The following OXSR1 variants were observed in gnomAD, a reference collection of about 807,000 sequenced individuals.
OXSR1 encodes serine/threonine-protein kinase OSR1.
OXSR1 carries 24 observed loss-of-function variants against 79.8 expected under a neutral mutation model. The observed-to-expected ratio is 0.30, with a 90% CI of 0.22 to 0.42. The LOEUF (loss-of-function observed/expected upper bound fraction) is 0.42. OXSR1 is among the 10% of genes least tolerant of loss of function. The pLI is 1.00. For missense variants in OXSR1, 430 were observed against 618.4 expected, an observed-to-expected ratio of 0.70 and a Z score of 3.23; for synonymous variants, 226 against 209.2, an observed-to-expected ratio of 1.08 and a Z score of -0.69.
intron 4 of OXSR1, among the ~76,000 whole-genome samples, chr3:38,209,448 C>G (rs563802251): frequency 2.0e-5 from 3 of 151,816 alleles, no homozygotes; most frequent in Non-Finnish European, 4.4e-5. Context: ...TTTAAAAGTT[C>G]CCCCAGGTAA....
At chr3:38,211,688 A>G (rs555513695) in intron 4 of OXSR1, among the ~76,000 whole-genome samples, 1 of 152,084 alleles carries the variant, frequency 6.6e-6, no homozygotes, top group Non-Finnish European at 1.5e-5. Flanking sequence ...GTTTTCTATT[A>G]CCTGTGGATT....
rs900716756 is a variant in OXSR1 at position 38,190,963 on chromosome 3, G to C, written c.292+124G>C. 6.0e-6 allele frequency: 4 copies of C among 661,676 alleles called. No homozygotes were observed. The African/African-American group carries it at 7.4e-5, about 12-fold the overall frequency. 41.0% of individuals were successfully genotyped at this position (661,676 alleles called of 1,614,324 possible). On this transcript the variant is annotated intron_variant, in intron 3 of 17. Transcript: ENST00000311806. ...CATTTGAGGAGATACTGAAAATATA[G>C]TATTTGCTGAAGATGCTAATCTATG...
intron 5 of OXSR1, among the ~76,000 whole-genome samples, chr3:38,219,795 G>GATGATGATGATC (rs1391914745): frequency 3.3e-5 from 5 of 151,604 alleles, no homozygotes; most frequent in African/African-American, 7.3e-5. Context: ...TGATGATGAT[G>GATGATGATGATC]ATGATGATGA....
At chr3:38,241,245 A>G (rs1228555274) in intron 11 of OXSR1, among the ~76,000 whole-genome samples, 1 of 152,190 alleles carries the variant, frequency 6.6e-6, no homozygotes, top group African/African-American at 2.4e-5. Flanking sequence ...ATTCATGTAA[A>G]TATAATAATA....
At position 38,247,669 on chromosome 3, in the gene OXSR1, C is replaced by T; in HGVS notation, c.1259C>T (p.Ala420Val). 1.9e-6 allele frequency: 3 copies of T among 1,609,944 alleles called. No homozygotes were observed. The highest frequency in any genetic ancestry group is 2.6e-6 in the Non-Finnish European group (3 of 1,176,472). The change falls in exon 14 of 18, where the codon GCT (alanine) becomes GTT (valine). Residue 420 changes from alanine to valine, a missense_variant and splice_region_variant. Ala to Val is a moderately conservative substitution (Grantham distance 64). This residue lies in a region of OXSR1 where 276 missense variants were observed against 354.2 expected (regional missense o/e 0.78). Coordinates refer to ENST00000311806, the MANE Select transcript of OXSR1 (RefSeq NM_005109.3). ...PTAEPAKTAQ[A>V]LSSGSGSQET... Reference sequence around the variant, plus strand: ...TGTATACCTTTCAATGCTTTTTAGGCTTTGTCTTCAGGATCAGGTTCACAA... The same window carrying T: ...TGTATACCTTTCAATGCTTTTTAGGTTTTGTCTTCAGGATCAGGTTCACAA...
intron 10 of OXSR1, among the ~76,000 whole-genome samples, chr3:38,234,244 G>A (rs934078761): frequency 5.3e-5 from 8 of 152,104 alleles, no homozygotes; most frequent in Admixed American, 2.0e-4. Flanking sequence ...GGAAAAAGTA[G>A]GTAAATTGAT....
At chr3:38,250,108 T>C (rs1450549291) in intron 15 of OXSR1, 90 bp downstream of exon 15, 1 of 958,712 alleles carries the variant, frequency 1.0e-6, no homozygotes, top group Non-Finnish European at 1.6e-6. Context: ...TGTGAAGTTT[T>C]GCTTTTAAAG....
At position 38,241,240 on chromosome 3, in the gene OXSR1, T is replaced by C. The variant is rs1480762076; in HGVS notation, c.1075-1503T>C. ...ATGTAGAATTCCAAGTGGGAATTCA[T>C]GTAAATATAATAATAAGGAAACATT... On this transcript the variant is annotated intron_variant, in intron 11 of 17. Transcript: ENST00000311806. 9.9e-5 allele frequency among the ~76,000 whole-genome samples: 15 copies of C among 152,260 alleles called. No individual in the cohort carries two copies. In the East Asian group the frequency reaches 2.9e-3, roughly 29 times the overall value.
chr3:38,166,268 G>A (rs1701453854), intron 1 of OXSR1, among the ~76,000 whole-genome samples: 1 of 152,154 alleles, frequency 6.6e-6, no homozygotes, highest in Non-Finnish European at 1.5e-5. Flanking sequence ...TGTGGGACAG[G>A]CCTTTCCGAG....
rs191023599 is a variant in OXSR1, at chr3:38,175,336, C to T, written c.71-7667C>T. Among the ~76,000 whole-genome samples, 66 of 152,234 alleles carry T rather than the reference C, an allele frequency of 4.3e-4. 1 individual carries two copies. The highest frequency in any genetic ancestry group is 1.5e-3 in the Admixed American group (23 of 15,300). The stretch of plus-strand genomic sequence containing the variant: ...AAAATTTATTTTTGAGGTGGGGTCT[C>T]GCTCTGTTGCCCAGGCTGGAGTGCA... On this transcript the variant is annotated intron_variant, in intron 1 of 17. Coordinates refer to ENST00000311806, the MANE Select transcript of OXSR1 (RefSeq NM_005109.3).
At chr3:38,220,017 G>C (rs1702558063) in intron 5 of OXSR1, among the ~76,000 whole-genome samples, 1 of 152,074 alleles carries the variant, frequency 6.6e-6, no homozygotes, top group Non-Finnish European at 1.5e-5. Flanking sequence ...GTGTTGCCCA[G>C]GCTGGTCTTG....
At chr3:38,164,657 G>A (rs1701392859), upstream of OXSR1, among the ~76,000 whole-genome samples, 1 of 152,194 alleles carries the variant, frequency 6.6e-6, no homozygotes, top group Non-Finnish European at 1.5e-5. Flanking sequence ...CAACGCCCGT[G>A]AGACAACCCC....
intron 4 of OXSR1, among the ~76,000 whole-genome samples, chr3:38,201,303 C>G (rs953631396): frequency 9.2e-5 from 14 of 152,046 alleles, no homozygotes; most frequent in Non-Finnish European, 1.8e-4. Flanking sequence ...CATGGTGGCT[C>G]ACGCCTATAA....
chr3:38,214,170 A>C (rs948694763), intron 4 of OXSR1, among the ~76,000 whole-genome samples: 7 of 142,626 alleles, frequency 4.9e-5, no homozygotes, highest in African/African-American at 1.5e-4. Context: ...TTTATACACT[A>C]CTTTTTTTTT....
upstream of OXSR1, among the ~76,000 whole-genome samples, chr3:38,164,837 G>A (rs983801924): frequency 1.2e-4 from 19 of 152,130 alleles, no homozygotes; most frequent in African/African-American, 4.3e-4. Flanking sequence ...ACAGCGCCGC[G>A]ACAAGCGTTA....
At chr3:38,245,963 A>G (rs958229474) in intron 12 of OXSR1, 112 bp from the exon 13 acceptor site, 4 of 897,460 alleles carry the variant, frequency 4.5e-6, no homozygotes, top group African/African-American at 1.6e-5. Context: ...AAACCTGTAC[A>G]CTACCCAAAA....
intron 12 of OXSR1, among the ~76,000 whole-genome samples, chr3:38,243,275 C>T (rs1037864341): frequency 5.3e-5 from 8 of 152,138 alleles, no homozygotes; most frequent in African/African-American, 1.7e-4. Context: ...GGCAGTCTCC[C>T]TGCCTTGGCC....
At chr3:38,188,717 A>G (rs1471902383) in intron 2 of OXSR1, among the ~76,000 whole-genome samples, 7 of 152,196 alleles carry the variant, frequency 4.6e-5, no homozygotes, top group Non-Finnish European at 1.0e-4. Context: ...GTCCCAGGTA[A>G]TTAAACAATC....
chr3:38,169,768 A>T, intron 1 of OXSR1, among the ~76,000 whole-genome samples: 1 of 143,150 alleles, frequency 7.0e-6, no homozygotes, highest in South Asian at 2.2e-4. Flanking sequence ...AGACAGTCTT[A>T]CTCTGTCACC....
Sources: gnomAD v4.1 joint callset for allele counts (sites outside exome capture counted in the v4.1 genomes callset) on GRCh38, gnomAD v4.1.1 for gene constraint, gnomAD v4.1.1 regional missense constraint, MANE v1.5 for transcripts, NCBI Gene and HGNC (gene_info 2026-07-23, HGNC 2026-07-21) for gene names.